Variants in FMNL2 observed in about 807,000 individuals in gnomAD.
FMNL2 encodes the protein formin like 2, also known as formin-like protein 2.
Under a neutral mutation model 130.2 loss-of-function variants are expected in FMNL2, and 51 were observed. The observed-to-expected ratio is 0.39, with a 90% CI of 0.31 to 0.49. The LOEUF is 0.49. Among genes scored for constraint, FMNL2 ranks in the 20% least tolerant of loss-of-function variants. The probability of loss-of-function intolerance (pLI) is 0.85; values close to 1 mark genes in which losing one functional copy is unlikely to be tolerated. For synonymous variants in FMNL2, 465 were observed against 467.1 expected (o/e 1.00, Z 0.06); for missense variants, 977 against 1,316.2 (o/e 0.74, Z 3.99).
At chr2:152,572,231 T>C (rs1240011202) in intron 6 of FMNL2, among the ~76,000 whole-genome samples, 2 of 152,184 alleles carry the variant, frequency 1.3e-5, no homozygotes, top group Non-Finnish European at 2.9e-5. Context: ...AAGAGTGTGA[T>C]GATCCCCTTA....
At chr2:152,390,375 G>T (rs1685046152) in intron 1 of FMNL2, 2 of 1,083,588 alleles carry the variant, frequency 1.8e-6, no homozygotes, top group Non-Finnish European at 2.9e-6. Context: ...TGTGCATCTT[G>T]AGAAGATCAA....
At chr2:152,495,447 C>T (rs1173414092) in intron 1 of FMNL2, among the ~76,000 whole-genome samples, 2 of 151,490 alleles carry the variant, frequency 1.3e-5, no homozygotes, top group Non-Finnish European at 2.9e-5. Flanking sequence ...GTCAGGAGTT[C>T]GAAACCAGCC....
At chr2:152,601,079 T>C (rs1698022691) in intron 9 of FMNL2, among the ~76,000 whole-genome samples, 1 of 152,124 alleles carries the variant, frequency 6.6e-6, no homozygotes, top group Non-Finnish European at 1.5e-5. Flanking sequence ...GAAACCTTTT[T>C]TTCCCCTCAA....
At chr2:152,461,516 G>C (rs1023686355) in intron 1 of FMNL2, among the ~76,000 whole-genome samples, 2 of 152,036 alleles carry the variant, frequency 1.3e-5, no homozygotes, top group Non-Finnish European at 2.9e-5. Flanking sequence ...ATTTGTTCCA[G>C]TTATACTTAA....
chr2:152,390,249 G>A, intron 1 of FMNL2: 1 of 1,453,598 alleles, frequency 6.9e-7, no homozygotes, highest in Admixed American at 1.7e-5. Context: ...GGACATCCAG[G>A]GGCAGCACCT....
chr2:152,442,783 T>A (rs1256603210), intron 1 of FMNL2, among the ~76,000 whole-genome samples: 2 of 152,148 alleles, frequency 1.3e-5, no homozygotes, highest in Non-Finnish European at 2.9e-5. Flanking sequence ...TGAGCAGATT[T>A]ATATTTAAAA....
At chr2:152,432,239 G>C (rs1265323440) in intron 1 of FMNL2, among the ~76,000 whole-genome samples, 4 of 151,808 alleles carry the variant, frequency 2.6e-5, no homozygotes, top group Admixed American at 1.3e-4. Flanking sequence ...AGTCTCAGAT[G>C]ATTCTGTCTT....
rs566442241 is a variant in FMNL2 at position 152,608,058 on chromosome 2, G to A, written c.951+645G>A. ...TTGCAGCACTTCTGCATTCATACACGTAAATCTTAATCTGGAAGGAAGATA... is the reference window on the plus strand; with the variant it reads ...TTGCAGCACTTCTGCATTCATACACATAAATCTTAATCTGGAAGGAAGATA... On this transcript the variant is annotated intron_variant, in intron 10 of 25. Transcript: ENST00000288670. Among the ~76,000 whole-genome samples, 25 of 152,186 alleles carry A rather than the reference G, an allele frequency of 1.6e-4. No homozygotes were observed. The East Asian group carries it at 4.2e-3, about 26-fold the overall frequency.
chr2:152,366,533 G>T (rs1683562356), intron 1 of FMNL2, among the ~76,000 whole-genome samples: 2 of 152,120 alleles, frequency 1.3e-5, no homozygotes, highest in African/African-American at 4.8e-5. Context: ...AGTGCTTATT[G>T]AACACCTGTG....
intron 1 of FMNL2, among the ~76,000 whole-genome samples, chr2:152,442,639 T>A (rs1406402562): frequency 6.6e-6 from 1 of 152,210 alleles, no homozygotes; most frequent in African/African-American, 2.4e-5. Flanking sequence ...TCTGTTCATT[T>A]GTGTGTTTAG....
chr2:152,476,218 A>C (rs1275371924), intron 1 of FMNL2, among the ~76,000 whole-genome samples: 1 of 152,230 alleles, frequency 6.6e-6, no homozygotes, highest in African/African-American at 2.4e-5. Context: ...AGATTGCACT[A>C]TTCTAGGAAT....
intron 17 of FMNL2, among the ~76,000 whole-genome samples, chr2:152,627,081 G>T (rs758959952): frequency 2.0e-5 from 3 of 152,230 alleles, no homozygotes; most frequent in Non-Finnish European, 4.4e-5. Flanking sequence ...GTTGAGCTGA[G>T]CGTGGCAGAT....
intron 1 of FMNL2, among the ~76,000 whole-genome samples, chr2:152,427,224 G>A (rs951679212): frequency 2.0e-5 from 3 of 152,190 alleles, no homozygotes; most frequent in African/African-American, 7.2e-5. Context: ...CAGATGGGAA[G>A]TTTAAAAGCA....
chr2:152,348,821 T>G (rs1289380707), intron 1 of FMNL2, among the ~76,000 whole-genome samples: 1 of 104,160 alleles, frequency 9.6e-6, no homozygotes, highest in African/African-American at 4.4e-5. Flanking sequence ...TCTAAGGGTT[T>G]TTTTTTTTTT....
intron 2 of FMNL2, among the ~76,000 whole-genome samples, chr2:152,529,427 G>C (rs570037792): frequency 6.6e-6 from 1 of 152,200 alleles, no homozygotes; most frequent in East Asian, 1.9e-4. Context: ...ATTTCGAAGG[G>C]ACTCTTCATT....
chr2:152,335,736 C>T lies in FMNL2; in HGVS notation c.117+16C>T. ...CATCGTGCTGGTAAGTGCGCGGCGG[C>T]GGTCGGGCGCGGGGACCCGGGGCCC... On this transcript the variant is annotated intron_variant, in intron 1 of 25. Transcript: ENST00000288670. The T allele has an allele frequency of 6.5e-7, 1 of 1,548,904 alleles. No homozygotes were observed. The highest frequency in any genetic ancestry group is 8.7e-7 in the Non-Finnish European group (1 of 1,148,570).
rs1285941600 is a variant in FMNL2 at position 152,360,383 on chromosome 2, G to A, written c.117+24663G>A. On this transcript the variant is annotated intron_variant, in intron 1 of 25. Transcript: ENST00000288670. ...GTCTCACTCTGTTGCCCAGGCTGGA[G>A]TGCAGTGGTGGAATTATAGCTCACT... Among the ~76,000 whole-genome samples the A allele has an allele frequency of 2.0e-5, 3 of 151,814 alleles. No individual in the cohort carries two copies. In the East Asian group the frequency reaches 5.8e-4, roughly 29 times the overall value.
chr2:152,464,789 A>G (rs1297496644), intron 1 of FMNL2, among the ~76,000 whole-genome samples: 3 of 152,216 alleles, frequency 2.0e-5, no homozygotes, highest in South Asian at 2.1e-4. Context: ...TTCTCAGAGA[A>G]ATAAGCTACT....
chr2:152,457,169 A>T (rs909981288), intron 1 of FMNL2, among the ~76,000 whole-genome samples: 6 of 151,664 alleles, frequency 4.0e-5, no homozygotes, highest in African/African-American at 1.5e-4. Flanking sequence ...GAATTTGGAG[A>T]GCTCAGAGGG....
Sources: gnomAD v4.1 joint callset for allele counts (sites outside exome capture counted in the v4.1 genomes callset) on GRCh38, gnomAD v4.1.1 for gene constraint, MANE v1.5 for transcripts, NCBI Gene and HGNC (gene_info 2026-07-23, HGNC 2026-07-21) for gene names.